The following PRR5L variants were observed in gnomAD, a reference collection of about 807,000 sequenced individuals.
The protein encoded by PRR5L is proline-rich protein 5-like.
In PRR5L, 21 loss-of-function variants were observed where a neutral mutation model predicts 36.4. The ratio of observed to expected loss-of-function variants is 0.58; its 90% CI spans 0.41 to 0.83. The LOEUF is 0.83. Among genes scored for constraint, PRR5L ranks in the 40% least tolerant of loss-of-function variants. PRR5L has a pLI of 0.00. For synonymous variants in PRR5L, 188 were observed against 197.0 expected (o/e 0.95, Z 0.38); for missense variants, 381 against 473.3 (o/e 0.80, Z 1.81).
chr11:36,312,914 T>C (rs1856518680), intron 1 of PRR5L, among the ~76,000 whole-genome samples: 1 of 152,230 alleles, frequency 6.6e-6, no homozygotes, highest in Non-Finnish European at 1.5e-5. Flanking sequence ...TTTTCTGACT[T>C]TTCTGTGTGA....
intron 1 of PRR5L, among the ~76,000 whole-genome samples, chr11:36,351,791 T>C (rs1263448180): frequency 5.2e-5 from 7 of 133,920 alleles, no homozygotes; most frequent in Non-Finnish European, 1.1e-4. Flanking sequence ...ATATTTTTTT[T>C]ATATATACCA....
chr11:36,298,327 T>G (rs1366674155), intron 1 of PRR5L, among the ~76,000 whole-genome samples: 1 of 152,216 alleles, frequency 6.6e-6, no homozygotes, highest in Non-Finnish European at 1.5e-5. Flanking sequence ...CTTATTTATA[T>G]TATTATTACA....
At chr11:36,336,324 G>T (rs189858849) in intron 1 of PRR5L, among the ~76,000 whole-genome samples, 2 of 152,044 alleles carry the variant, frequency 1.3e-5, no homozygotes, top group African/African-American at 4.8e-5. Flanking sequence ...CCTTCTCCTG[G>T]GCTCAAGCAA....
At chr11:36,428,126 A>G (rs1858420193) in intron 4 of PRR5L, among the ~76,000 whole-genome samples, 1 of 152,162 alleles carries the variant, frequency 6.6e-6, no homozygotes, top group African/African-American at 2.4e-5. Context: ...GGAGGCCTCC[A>G]CCAACATGAC....
Position 36,464,616 on chromosome 11 carries a change from A to G in PRR5L, c.*1880A>G, listed in dbSNP as rs932489735. The G allele has an allele frequency of 6.6e-6, 1 of 152,232 alleles. No individual in the cohort carries two copies. The highest frequency in any genetic ancestry group is 2.4e-5 in the African/African-American group (1 of 41,466). The allele number at this position is 152,232 out of a possible 1,614,324, so 9.4% of individuals were successfully genotyped here. On this transcript the variant is annotated 3_prime_UTR_variant, in exon 9 of 9. Transcript: ENST00000530639. ...TGGAGCATCAGTAGGTAGCAACATG[A>G]TAATTTATGTAACTGATAGCTTCTG...
intron 1 of PRR5L, among the ~76,000 whole-genome samples, chr11:36,366,179 T>C (rs1001551317): frequency 2.0e-5 from 3 of 152,186 alleles, no homozygotes; most frequent in African/African-American, 7.2e-5. Context: ...CTGTGGGACC[T>C]TGGGAAATGA....
chr11:36,351,887 C>A (rs373103149), intron 1 of PRR5L, among the ~76,000 whole-genome samples: 9 of 148,776 alleles, frequency 6.0e-5, no homozygotes, highest in African/African-American at 2.0e-4. Context: ...TATAAACATG[C>A]GTGTGCAAAT....
chr11:36,346,562 C>T (rs575580022), intron 1 of PRR5L, among the ~76,000 whole-genome samples: 1 of 151,228 alleles, frequency 6.6e-6, no homozygotes, highest in African/African-American at 2.4e-5. Flanking sequence ...CAGCCTGGGC[C>T]ACAGAGTGAG....
chr11:36,377,311 G>C lies in PRR5L; in HGVS notation c.-125-23686G>C, dbSNP rs1857283193. The stretch of plus-strand genomic sequence containing the variant: ...AGTGGGGATCCCGCCGGGACGGGCT[G>C]TGAGCAAGCCCTGGGACGGCCCGGC... On this transcript the variant is annotated intron_variant, in intron 1 of 8. Transcript: ENST00000530639. The surrounding 1 kb of genome is among the most constrained non-coding windows in gnomAD (Gnocchi z 5.1). 6.6e-6 allele frequency among the ~76,000 whole-genome samples: 1 copy of C among 152,222 alleles called. No individual in the cohort carries two copies. The highest frequency in any genetic ancestry group is 1.5e-5 in the Non-Finnish European group (1 of 68,040).
At chr11:36,301,346 G>T (rs1856374364) in intron 1 of PRR5L, among the ~76,000 whole-genome samples, 1 of 152,196 alleles carries the variant, frequency 6.6e-6, no homozygotes, top group Non-Finnish European at 1.5e-5. Flanking sequence ...GCAGGACGGG[G>T]ACACACTTGA....
chr11:36,440,234 C>A lies in PRR5L; in HGVS notation c.444+2758C>A, dbSNP rs74403533. On this transcript the variant is annotated intron_variant, in intron 6 of 8. Coordinates refer to ENST00000530639, the MANE Select transcript of PRR5L (RefSeq NM_001160167.2). ...GGAGTTCTGAAGATAAAACCTCCCC[C>A]CCACCTATGCTGGGGAGGAATTTAG... is the stretch of plus-strand genomic sequence containing the variant. Among the ~76,000 whole-genome samples, 603 of 152,194 alleles carry A rather than the reference C, an allele frequency of 4.0e-3. 12 individuals are homozygous for A. The East Asian group carries it at 0.049, about 12-fold the overall frequency.
chr11:36,431,947 G>C, intron 5 of PRR5L, 37 bp downstream of exon 5: 5 of 1,572,488 alleles, frequency 3.2e-6, no homozygotes, highest in Non-Finnish European at 4.4e-6. Context: ...TGGGGCCTCT[G>C]TGACTCAGTC....
rs77936232 is a variant in PRR5L at position 36,451,205 on chromosome 11, C to T, written c.586-4C>T. ...TTTGTGTATCTTGGCTGTTCATTTTCCAGAGTGTTCACGAGCCCACAGGCC... is the reference window on the plus strand; with the variant it reads ...TTTGTGTATCTTGGCTGTTCATTTTTCAGAGTGTTCACGAGCCCACAGGCC... On this transcript the variant is annotated splice_polypyrimidine_tract_variant and splice_region_variant and intron_variant, in intron 7 of 8. Coordinates refer to ENST00000530639, the MANE Select transcript of PRR5L (RefSeq NM_001160167.2). The T allele has an allele frequency of 6.2e-7, 1 of 1,613,990 alleles. No homozygotes were observed. The highest frequency in any genetic ancestry group is 8.5e-7 in the Non-Finnish European group (1 of 1,179,924).
At position 36,427,794 on chromosome 11, in the gene PRR5L, C is replaced by T. The variant is rs146338353; in HGVS notation, c.295-4059C>T. 2.0e-5 allele frequency among the ~76,000 whole-genome samples: 3 copies of T among 152,292 alleles called. No homozygotes were observed. The East Asian group carries it at 5.8e-4, about 29-fold the overall frequency. On this transcript the variant is annotated intron_variant, in intron 4 of 8. Coordinates refer to ENST00000530639, the MANE Select transcript of PRR5L (RefSeq NM_001160167.2). ...TGCAAGAATCCTGAATGCCATTCTTCTCACCACCTCTAATGTCAACACTGG... is the reference window on the plus strand; with the variant it reads ...TGCAAGAATCCTGAATGCCATTCTTTTCACCACCTCTAATGTCAACACTGG...
At chr11:36,458,328 G>C (rs1859108408) in intron 8 of PRR5L, among the ~76,000 whole-genome samples, 1 of 152,180 alleles carries the variant, frequency 6.6e-6, no homozygotes, top group Non-Finnish European at 1.5e-5. Context: ...AAGAGAAACG[G>C]GGCTGAGCCT....
chr11:36,319,671 C>T (rs191738123), intron 1 of PRR5L, among the ~76,000 whole-genome samples: 116 of 123,994 alleles, frequency 9.4e-4, no homozygotes, highest in Non-Finnish European at 1.6e-3. Flanking sequence ...TCTAAGACGA[C>T]ACTAAATTTC....
At chr11:36,405,561 G>A (rs1857892321) in intron 3 of PRR5L, among the ~76,000 whole-genome samples, 3 of 152,186 alleles carry the variant, frequency 2.0e-5, no homozygotes, top group African/African-American at 7.2e-5. Context: ...TTTGTTATGA[G>A]TAGTTGATAA....
At chr11:36,390,317 C>T (rs1253767285) in intron 1 of PRR5L, among the ~76,000 whole-genome samples, 2 of 152,122 alleles carry the variant, frequency 1.3e-5, no homozygotes, top group Non-Finnish European at 2.9e-5. Flanking sequence ...TGAGGTGGGG[C>T]AGAGCAGGTG....
At chr11:36,457,329 G>A (rs758569273) in intron 8 of PRR5L, among the ~76,000 whole-genome samples, 18 of 152,104 alleles carry the variant, frequency 1.2e-4, no homozygotes, top group Non-Finnish European at 2.5e-4. Context: ...TATCGAGGCC[G>A]GGCACAGTGG....
Sources: gnomAD v4.1 joint callset for allele counts (sites outside exome capture counted in the v4.1 genomes callset) on GRCh38, gnomAD v4.1.1 for gene constraint, Gnocchi (gnomAD v3.1) non-coding constraint, MANE v1.5 for transcripts, NCBI Gene and HGNC (gene_info 2026-07-23, HGNC 2026-07-21) for gene names.